The following MAN2A1 variants were observed in gnomAD, a reference collection of about 807,000 sequenced individuals.
The protein encoded by MAN2A1 is mannosidase alpha class 2A member 1.
A neutral mutation model predicts 142.6 loss-of-function variants in MAN2A1; 76 were observed. The ratio of observed to expected loss-of-function variants is 0.53; its 90% CI spans 0.44 to 0.65. The LOEUF is 0.65. Ranked by LOEUF, MAN2A1 falls within the 30% of genes least tolerant of loss-of-function variation. The probability of loss-of-function intolerance (pLI) is 0.00; values close to 1 mark genes in which losing one functional copy is unlikely to be tolerated. For synonymous variants in MAN2A1, 559 were observed against 473.2 expected (o/e 1.18, Z -2.35); for missense variants, 1,311 against 1,365.1 (o/e 0.96, Z 0.62).
intron 4 of MAN2A1, among the ~76,000 whole-genome samples, chr5:109,743,473 A>T (rs1469576823): frequency 2.0e-5 from 3 of 152,184 alleles, no homozygotes; most frequent in Non-Finnish European, 2.9e-5. Context: ...AGAGGTGTTA[A>T]GGAAAGTGCC....
At chr5:109,741,719 C>A (rs1189559417) in intron 4 of MAN2A1, among the ~76,000 whole-genome samples, 1 of 152,088 alleles carries the variant, frequency 6.6e-6, no homozygotes, top group Non-Finnish European at 1.5e-5. Context: ...ATTCTTATCC[C>A]CTCCCCCAGC....
intron 3 of MAN2A1, among the ~76,000 whole-genome samples, chr5:109,723,894 T>A (rs1751673186): frequency 6.6e-6 from 1 of 152,238 alleles, no homozygotes. Context: ...CTTTACCATT[T>A]CTTTATTTCC....
chr5:109,713,494 A>G (rs1403220836), intron 1 of MAN2A1, 26 bp from the exon 2 acceptor site: 1 of 1,566,066 alleles, frequency 6.4e-7, no homozygotes, highest in African/African-American at 1.4e-5. Context: ...TATTTCATAT[A>G]GCTGCCTTTT....
intron 1 of MAN2A1, among the ~76,000 whole-genome samples, chr5:109,691,391 A>G (rs1750667673): frequency 6.6e-6 from 1 of 152,218 alleles, no homozygotes; most frequent in Non-Finnish European, 1.5e-5. Flanking sequence ...CGTGCACTTC[A>G]GAAATTGCGG....
chr5:109,732,728 G>C (rs1428757760), intron 4 of MAN2A1, among the ~76,000 whole-genome samples: 3 of 152,154 alleles, frequency 2.0e-5, no homozygotes, highest in African/African-American at 4.8e-5. Flanking sequence ...GTATATCTCT[G>C]TTCTGGTACC....
Position 109,773,394 on chromosome 5 carries a change from T to C in MAN2A1, c.1197-1394T>C, listed in dbSNP as rs115254851. On this transcript the variant is annotated intron_variant, in intron 7 of 21. Transcript: ENST00000261483. ...TAAACCCTTTTTTATGCTGGCTGCC[T>C]AGGAAATCTAGTTGGAGCTCAATTA... is the stretch of plus-strand genomic sequence containing the variant. 5.1e-3 allele frequency among the ~76,000 whole-genome samples: 773 copies of C among 152,316 alleles called. 7 individuals are homozygous for C. The highest frequency in any genetic ancestry group is 0.018 in the African/African-American group (729 of 41,572).
chr5:109,859,409 C>G (rs1378475055), intron 20 of MAN2A1, among the ~76,000 whole-genome samples: 1 of 152,104 alleles, frequency 6.6e-6, no homozygotes, highest in African/African-American at 2.4e-5. Flanking sequence ...TATTTGTATT[C>G]AGATGAAAAG....
At chr5:109,776,727 T>A (rs1363125826) in intron 8 of MAN2A1, among the ~76,000 whole-genome samples, 2 of 152,240 alleles carry the variant, frequency 1.3e-5, no homozygotes, top group African/African-American at 4.8e-5. Flanking sequence ...AGAACTTTTA[T>A]TGTCCCTCAG....
chr5:109,793,723 C>G (rs1452631869), intron 12 of MAN2A1, among the ~76,000 whole-genome samples: 1 of 152,164 alleles, frequency 6.6e-6, no homozygotes, highest in African/African-American at 2.4e-5. Context: ...ATCTCAGCAT[C>G]ATTGCATTCT....
chr5:109,713,896 T>C (rs1751378480), intron 2 of MAN2A1, 122 bp downstream of exon 2: 2 of 873,034 alleles, frequency 2.3e-6, no homozygotes, highest in African/African-American at 3.4e-5. Flanking sequence ...AGTTTCTCTT[T>C]TTGTAAAGTA....
chr5:109,831,862 A>T (rs1754915642), intron 16 of MAN2A1, among the ~76,000 whole-genome samples: 2 of 151,926 alleles, frequency 1.3e-5, no homozygotes, highest in Admixed American at 6.6e-5. Context: ...AAAGTCTGTT[A>T]TAAGGCTCTA....
intron 1 of MAN2A1, among the ~76,000 whole-genome samples, chr5:109,703,372 T>C (rs1303239515): frequency 3.9e-5 from 6 of 152,222 alleles, no homozygotes; most frequent in Admixed American, 2.6e-4. Context: ...TAAGCATTTG[T>C]CAAACATGTA....
intron 20 of MAN2A1, chr5:109,864,821 C>G (rs1229274854): frequency 1.9e-6 from 1 of 521,516 alleles, no homozygotes; most frequent in Non-Finnish European, 3.4e-6. Context: ...AACAAGGAAC[C>G]TTAGAACATA....
chr5:109,724,605 CTT>C (rs1436428621), intron 3 of MAN2A1, among the ~76,000 whole-genome samples: 2 of 151,934 alleles, frequency 1.3e-5, no homozygotes, highest in Non-Finnish European at 2.9e-5. Flanking sequence ...TATTCAAAAA[CTT>C]TTCATGTTTT....
intron 20 of MAN2A1, among the ~76,000 whole-genome samples, chr5:109,858,633 G>A (rs576313132): frequency 2.0e-5 from 3 of 152,320 alleles, no homozygotes; most frequent in African/African-American, 7.2e-5. Flanking sequence ...CCTGAAGTCT[G>A]CATTGGCCTG....
Position 109,855,173 on chromosome 5 carries a change from C to G in MAN2A1, c.3010C>G (p.Leu1004Val), listed in dbSNP as rs1049618617. Reference protein sequence around the residue: ...EEKKSVSYPSLLSHITSSLMN... With the variant: ...EEKKSVSYPSVLSHITSSLMN... ...AAAGAAGTCGGTCAGTTATCCTTCT[C>G]TCCTTAGCCACATAACTTCTTCTCT... The change falls in exon 20 of 22, where the codon CTC (leucine) becomes GTC (valine). Residue 1004 changes from leucine to valine, a missense_variant. Leu to Val is a conservative substitution (Grantham distance 32). Coordinates refer to ENST00000261483, the MANE Select transcript of MAN2A1 (RefSeq NM_002372.4). 4 of 1,586,180 alleles carry G rather than the reference C, an allele frequency of 2.5e-6. No individual in the cohort carries two copies. Among genetic ancestry groups the G allele is most frequent in the African/African-American group, 2.7e-5 (2 of 73,824 alleles).
intron 12 of MAN2A1, among the ~76,000 whole-genome samples, chr5:109,790,561 A>T (rs1753712746): frequency 6.6e-6 from 1 of 152,038 alleles, no homozygotes; most frequent in Non-Finnish European, 1.5e-5. Flanking sequence ...TTAGGATGAA[A>T]GGATAATGAC....
chr5:109,744,377 G>T (rs938381156), intron 4 of MAN2A1, among the ~76,000 whole-genome samples: 1 of 152,114 alleles, frequency 6.6e-6, no homozygotes, highest in African/African-American at 2.4e-5. Flanking sequence ...GTGTCAGAGG[G>T]CAGAGAAGGA....
intron 12 of MAN2A1, among the ~76,000 whole-genome samples, chr5:109,801,531 A>G (rs948571366): frequency 2.0e-5 from 3 of 152,162 alleles, no homozygotes; most frequent in African/African-American, 4.8e-5. Flanking sequence ...CTTTCTATCA[A>G]TAAAGGAGAA....
Sources: allele counts gnomAD v4.1 joint callset (sites outside exome capture counted in the v4.1 genomes callset), GRCh38; gene constraint gnomAD v4.1.1; transcripts MANE v1.5; gene names NCBI Gene and HGNC (gene_info 2026-07-23, HGNC 2026-07-21).